PPFIA2: variants seen among roughly 807,000 people sequenced by gnomAD.
PPFIA2 encodes liprin-alpha-2.
In PPFIA2, 46 loss-of-function variants were observed where a neutral mutation model predicts 175.5. The observed-to-expected ratio is 0.26, with a 90% CI of 0.21 to 0.34. The LOEUF is 0.34. Ranked by LOEUF, PPFIA2 falls within the 10% of genes least tolerant of loss-of-function variation. The pLI is 1.00. For missense variants in PPFIA2, 1,179 were observed against 1,506.1 expected (o/e 0.78, Z 3.60); for synonymous variants, 568 against 511.4 (o/e 1.11, Z -1.49).
chr12:81,539,519 C>A (rs896462552), intron 4 of PPFIA2, among the ~76,000 whole-genome samples: 1 of 151,908 alleles, frequency 6.6e-6, no homozygotes. Context: ...CATAACAGAC[C>A]TTGCTAGAAA....
chr12:81,702,601 AG>A (rs1401372028), intron 3 of PPFIA2, among the ~76,000 whole-genome samples: 2 of 152,150 alleles, frequency 1.3e-5, no homozygotes, highest in African/African-American at 4.8e-5. Flanking sequence ...GGATTTTGGC[AG>A]GGGAAGCCTC....
chr12:81,487,327 G>C (rs959479687), intron 4 of PPFIA2, among the ~76,000 whole-genome samples: 9 of 151,910 alleles, frequency 5.9e-5, no homozygotes, highest in African/African-American at 1.7e-4. Flanking sequence ...GGGAAATTTA[G>C]TTTACCTTTT....
chr12:81,552,652 T>G (rs1594850475), intron 4 of PPFIA2, among the ~76,000 whole-genome samples: 1 of 152,122 alleles, frequency 6.6e-6, no homozygotes, highest in Admixed American at 6.6e-5. Context: ...ATATCAAAAA[T>G]TCATGTGTGT....
chr12:81,632,923 C>T (rs1380709799), intron 4 of PPFIA2, among the ~76,000 whole-genome samples: 1 of 152,170 alleles, frequency 6.6e-6, no homozygotes, highest in East Asian at 1.9e-4. Context: ...TCTCCATATA[C>T]TGATTTTCAG....
chr12:81,499,148 G>C (rs1310292209), intron 4 of PPFIA2, among the ~76,000 whole-genome samples: 1 of 152,152 alleles, frequency 6.6e-6, no homozygotes, highest in Non-Finnish European at 1.5e-5. Flanking sequence ...AACTCATGGA[G>C]CATCCTTTGC....
At chr12:81,365,989 CCTTCCTTCCTT>C (rs2033203019) in intron 14 of PPFIA2, among the ~76,000 whole-genome samples, 4 of 43,446 alleles carry the variant, frequency 9.2e-5, no homozygotes, top group South Asian at 1.1e-3. Context: ...TCCCTCCCTT[CCTTCCTTCCTT>C]CCTTCCTTCC....
chr12:81,609,798 T>C (rs1349642799), intron 4 of PPFIA2, among the ~76,000 whole-genome samples: 1 of 152,090 alleles, frequency 6.6e-6, no homozygotes, highest in African/African-American at 2.4e-5. Context: ...ATATGTGTGA[T>C]TTTTGATCCT....
At chr12:81,425,186 T>A (rs1413982841) in intron 7 of PPFIA2, among the ~76,000 whole-genome samples, 1 of 152,150 alleles carries the variant, frequency 6.6e-6, no homozygotes, top group Non-Finnish European at 1.5e-5. Context: ...AACCTCGTAA[T>A]GTGGGGATCC....
At chr12:81,446,353 G>A (rs1288298820) in intron 5 of PPFIA2, among the ~76,000 whole-genome samples, 1 of 152,156 alleles carries the variant, frequency 6.6e-6, no homozygotes, top group Non-Finnish European at 1.5e-5. Context: ...AGCCTCTGGG[G>A]CCATGACAGA....
chr12:81,349,493 T>A (rs1342379163), intron 17 of PPFIA2, among the ~76,000 whole-genome samples: 2 of 152,166 alleles, frequency 1.3e-5, no homozygotes, highest in African/African-American at 4.8e-5. Context: ...AAGAAAGGTT[T>A]AATCAAGTAA....
chr12:81,368,638 C>A (rs1015664574), intron 13 of PPFIA2, 87 bp downstream of exon 13: 16 of 1,298,756 alleles, frequency 1.2e-5, no homozygotes, highest in Non-Finnish European at 1.7e-5. Flanking sequence ...AATGGATCAT[C>A]TGACCATTAC....
chr12:81,573,956 T>C (rs899005487), intron 4 of PPFIA2, among the ~76,000 whole-genome samples: 1 of 151,868 alleles, frequency 6.6e-6, no homozygotes, highest in African/African-American at 2.4e-5. Context: ...ACACTCAAAG[T>C]TGGATTTGAA....
intron 24 of PPFIA2, among the ~76,000 whole-genome samples, chr12:81,290,895 A>G (rs2044765786): frequency 6.6e-6 from 1 of 151,842 alleles, no homozygotes; most frequent in Admixed American, 6.6e-5. Context: ...AACAAAGAAA[A>G]TGTCCAATAC....
intron 4 of PPFIA2, among the ~76,000 whole-genome samples, chr12:81,595,248 A>G (rs1039960742): frequency 1.2e-4 from 18 of 150,486 alleles, no homozygotes; most frequent in Admixed American, 1.0e-3. Flanking sequence ...ATATATATAT[A>G]TATATACTTT....
chr12:81,592,032 C>T (rs1226664414), intron 4 of PPFIA2, among the ~76,000 whole-genome samples: 1 of 152,038 alleles, frequency 6.6e-6, no homozygotes, highest in African/African-American at 2.4e-5. Context: ...GTGGAATTGC[C>T]CATGACCATG....
Position 81,405,773 on chromosome 12 carries a change from G to A in PPFIA2, c.762+14C>T, listed in dbSNP as rs540525198. ...TAAACATTTCCATGTAAGAGCATGT[G>A]GGGTGTGTCATACCTTCTCATGGAC... On this transcript the variant is annotated intron_variant, in intron 8 of 32. Coordinates refer to ENST00000549396, the MANE Select transcript of PPFIA2 (RefSeq NM_003625.5). 1.5e-6 allele frequency: 2 copies of A among 1,357,154 alleles called. No individual in the cohort carries two copies. The highest frequency in any genetic ancestry group is 5.0e-5 in the East Asian group (2 of 39,658). The allele number at this position is 1,357,154 out of a possible 1,614,324, so 84.1% of individuals were successfully genotyped here. A position where few individuals can be genotyped will look rare whatever the true frequency, so the allele number is the denominator to read the frequency against.
intron 4 of PPFIA2, among the ~76,000 whole-genome samples, chr12:81,637,172 C>T (rs1293552946): frequency 1.1e-4 from 16 of 142,536 alleles, no homozygotes; most frequent in Non-Finnish European, 1.8e-4. Flanking sequence ...TGGGTTCAAG[C>T]GATTCTCCTG....
At chr12:81,552,417 T>A (rs1359064325) in intron 4 of PPFIA2, among the ~76,000 whole-genome samples, 1 of 151,938 alleles carries the variant, frequency 6.6e-6, no homozygotes, top group Non-Finnish European at 1.5e-5. Context: ...CAGAGACAGG[T>A]ATTTACTTTG....
chr12:81,649,313 A>C (rs1218635523), intron 4 of PPFIA2, among the ~76,000 whole-genome samples: 7 of 152,190 alleles, frequency 4.6e-5, no homozygotes, highest in Non-Finnish European at 1.0e-4. Flanking sequence ...TAAATGCATG[A>C]CCACATGTTC....
Sources: allele counts gnomAD v4.1 joint callset (sites outside exome capture counted in the v4.1 genomes callset), GRCh38; gene constraint gnomAD v4.1.1; transcripts MANE v1.5; gene names NCBI Gene and HGNC (gene_info 2026-07-23, HGNC 2026-07-21).